IL15: variants seen among roughly 807,000 people sequenced by gnomAD.
The protein encoded by IL15 is interleukin 15, also known as interleukin-15.
IL15 carries 11 observed loss-of-function variants against 19.6 expected under a neutral mutation model. The observed-to-expected ratio is 0.56, with a 90% CI of 0.35 to 0.93. The LOEUF (loss-of-function observed/expected upper bound fraction) is 0.93, where lower values mean the gene tolerates loss of function less well. IL15 is among the 40% of genes least tolerant of loss of function. The pLI, the probability that IL15 is intolerant of heterozygous loss-of-function variation, is 0.01. For missense variants in IL15, 197 were observed against 186.5 expected, an observed-to-expected ratio of 1.06 and a Z score of -0.33; for synonymous variants, 58 against 59.6, an observed-to-expected ratio of 0.97 and a Z score of 0.12.
intron 2 of IL15, among the ~76,000 whole-genome samples, chr4:141,670,941 G>A (rs1728152773): frequency 6.6e-6 from 1 of 152,116 alleles, no homozygotes; most frequent in Admixed American, 6.5e-5. Flanking sequence ...ACGTTGGAGG[G>A]TCTGGGCTCA....
chr4:141,720,744 G>A, intron 4 of IL15, 178 bp downstream of exon 4: 3 of 615,322 alleles, frequency 4.9e-6, no homozygotes, highest in South Asian at 3.9e-5. Context: ...ACCTAACTGA[G>A]CATTTTTCTA....
At chr4:141,730,091 A>T in intron 7 of IL15, 107 bp downstream of exon 7, 1 of 872,026 alleles carries the variant, frequency 1.1e-6, no homozygotes, top group Non-Finnish European at 1.9e-6. Flanking sequence ...CAGGAGAAGG[A>T]GTCCTGTTCC....
chr4:141,640,485 C>A (rs568036596), intron 1 of IL15, among the ~76,000 whole-genome samples: 135 of 152,218 alleles, frequency 8.9e-4, no homozygotes, highest in African/African-American at 3.1e-3. Flanking sequence ...ATGCTGCTAT[C>A]CTTACCTTGA....
intron 2 of IL15, among the ~76,000 whole-genome samples, chr4:141,690,374 C>G (rs1180968012): frequency 6.6e-6 from 1 of 152,158 alleles, no homozygotes; most frequent in Non-Finnish European, 1.5e-5. Flanking sequence ...GAGGAGTCGC[C>G]GAGAGCGAGC....
intron 2 of IL15, among the ~76,000 whole-genome samples, chr4:141,704,130 T>G (rs1729429605): frequency 6.6e-6 from 1 of 152,174 alleles, no homozygotes; most frequent in Non-Finnish European, 1.5e-5. Context: ...TTGTCTTGTC[T>G]TTAATCTTAG....
chr4:141,712,043 C>T (rs1166576928), intron 2 of IL15, among the ~76,000 whole-genome samples: 1 of 152,108 alleles, frequency 6.6e-6, no homozygotes, highest in Non-Finnish European at 1.5e-5. Flanking sequence ...TATGCCCTGT[C>T]AATGTGAAAG....
intron 1 of IL15, among the ~76,000 whole-genome samples, chr4:141,643,605 A>C (rs1727124970): frequency 6.6e-6 from 1 of 152,090 alleles, no homozygotes; most frequent in Admixed American, 6.6e-5. Context: ...TTACCATACC[A>C]GCAACAATTT....
intron 2 of IL15, among the ~76,000 whole-genome samples, chr4:141,677,541 G>A (rs1239553823): frequency 6.6e-6 from 1 of 152,072 alleles, no homozygotes. Flanking sequence ...GCCCCAGCCC[G>A]AGTTGTTCAA....
intron 2 of IL15, among the ~76,000 whole-genome samples, chr4:141,663,504 T>A (rs1727860430): frequency 6.6e-6 from 1 of 152,212 alleles, no homozygotes; most frequent in African/African-American, 2.4e-5. Context: ...GGAGACTTCA[T>A]TAGCTAGGCA....
chr4:141,666,465 C>G (rs1252715174), intron 2 of IL15, among the ~76,000 whole-genome samples: 1 of 152,150 alleles, frequency 6.6e-6, no homozygotes, highest in Non-Finnish European at 1.5e-5. Flanking sequence ...AGGTGATCCT[C>G]CCATCTCAAC....
chr4:141,703,170 A>G (rs1729380326), intron 2 of IL15, among the ~76,000 whole-genome samples: 1 of 152,194 alleles, frequency 6.6e-6, no homozygotes. Flanking sequence ...GCCTGAGGCC[A>G]TAAGCTTCCC....
chr4:141,700,276 T>A (rs1729239394), intron 2 of IL15, among the ~76,000 whole-genome samples: 1 of 152,180 alleles, frequency 6.6e-6, no homozygotes, highest in East Asian at 1.9e-4. Context: ...TGTTTTAAGA[T>A]TTAGAACTTC....
chr4:141,708,149 G>A (rs1407965634), intron 2 of IL15, among the ~76,000 whole-genome samples: 1 of 152,210 alleles, frequency 6.6e-6, no homozygotes, highest in Non-Finnish European at 1.5e-5. Context: ...TGAAGCACAG[G>A]TATGTGTTGG....
intron 7 of IL15, among the ~76,000 whole-genome samples, chr4:141,731,458 T>C (rs1412257820): frequency 1.3e-5 from 2 of 152,234 alleles, no homozygotes; most frequent in East Asian, 1.9e-4. Flanking sequence ...AATACTCTTA[T>C]GATGTTATCT....
chr4:141,728,721 G>C (rs904663709), intron 6 of IL15, among the ~76,000 whole-genome samples: 1 of 152,068 alleles, frequency 6.6e-6, no homozygotes, highest in Non-Finnish European at 1.5e-5. Flanking sequence ...AGAAACCATA[G>C]TCAGAAACTA....
chr4:141,727,904 T>C (rs1278949007), intron 5 of IL15, 36 bp from the exon 6 acceptor site: 6 of 859,918 alleles, frequency 7.0e-6, no homozygotes, highest in Non-Finnish European at 7.7e-6. Flanking sequence ...AAGCAGGGCA[T>C]AGTTTTTAAT....
At chr4:141,640,946 TG>T (rs1727021207) in intron 1 of IL15, among the ~76,000 whole-genome samples, 1 of 152,168 alleles carries the variant, frequency 6.6e-6, no homozygotes, top group Non-Finnish European at 1.5e-5. Flanking sequence ...GTAAGGTTGA[TG>T]GCGGTGGTGG....
In IL15 at chr4:141,656,183, C is replaced by G. The variant is rs562963744; in HGVS notation, c.-221-3C>G. ...CTCTTATCCGTACCTTTGACTCTTACAGAATCCATTCCAATATATGGCCAT... is the reference window on the plus strand; with the variant it reads ...CTCTTATCCGTACCTTTGACTCTTAGAGAATCCATTCCAATATATGGCCAT... On this transcript the variant is annotated splice_region_variant and splice_polypyrimidine_tract_variant and intron_variant, in intron 1 of 7. Transcript: ENST00000320650. 4.3e-5 allele frequency: 17 copies of G among 398,316 alleles called. No individual in the cohort carries two copies. In the South Asian group the frequency reaches 2.2e-3, roughly 51 times the overall value. 24.7% of individuals were successfully genotyped at this position (398,316 alleles called of 1,614,324 possible). A position where few individuals can be genotyped will look rare whatever the true frequency, so the allele number is the denominator to read the frequency against.
chr4:141,678,036 G>A (rs1728405761), intron 2 of IL15, among the ~76,000 whole-genome samples: 1 of 152,150 alleles, frequency 6.6e-6, no homozygotes, highest in South Asian at 2.1e-4. Context: ...TTTATCTGTG[G>A]TGATATGGAA....
Sources: gnomAD v4.1 joint callset for allele counts (sites outside exome capture counted in the v4.1 genomes callset) on GRCh38, gnomAD v4.1.1 for gene constraint, MANE v1.5 for transcripts, NCBI Gene and HGNC (gene_info 2026-07-23, HGNC 2026-07-21) for gene names.